Variants in XYLT1 observed in about 807,000 individuals in gnomAD.
The protein encoded by XYLT1 is beta-D-xylosyltransferase 1.
Under a neutral mutation model 91.3 loss-of-function variants are expected in XYLT1, and 36 were observed. That is an observed-to-expected ratio of 0.39 (90% confidence interval 0.30 to 0.52). The LOEUF is 0.52. Ranked by LOEUF, XYLT1 falls within the 20% of genes least tolerant of loss-of-function variation. The probability of loss-of-function intolerance (pLI) is 0.68; values close to 1 mark genes in which losing one functional copy is unlikely to be tolerated. For synonymous variants in XYLT1, 588 were observed against 532.0 expected (o/e 1.11, Z -1.45); for missense variants, 1,242 against 1,284.5 (o/e 0.97, Z 0.51).
intron 2 of XYLT1, among the ~76,000 whole-genome samples, chr16:17,351,040 G>T (rs1442934926): frequency 3.3e-5 from 5 of 152,016 alleles, no homozygotes; most frequent in African/African-American, 1.2e-4. Flanking sequence ...TTTTAACTCT[G>T]CACATTCTTT....
At chr16:17,208,203 C>A (rs1254616192) in intron 3 of XYLT1, among the ~76,000 whole-genome samples, 1 of 118,198 alleles carries the variant, frequency 8.5e-6, no homozygotes, top group Non-Finnish European at 1.7e-5. Context: ...CCAGGCTGGT[C>A]TCAAACTCCT....
intron 2 of XYLT1, among the ~76,000 whole-genome samples, chr16:17,335,131 A>C (rs967928270): frequency 6.6e-6 from 1 of 151,862 alleles, no homozygotes; most frequent in South Asian, 2.1e-4. Flanking sequence ...AGGCTGAGGC[A>C]CAAGACTCAA....
intron 2 of XYLT1, among the ~76,000 whole-genome samples, chr16:17,295,167 C>T (rs539632120): frequency 2.1e-4 from 32 of 152,160 alleles, no homozygotes; most frequent in Admixed American, 1.3e-3. Flanking sequence ...AAAAGCATTT[C>T]GGGGACAGGG....
intron 6 of XYLT1, among the ~76,000 whole-genome samples, chr16:17,149,312 C>G (rs1414040223): frequency 6.6e-6 from 1 of 152,102 alleles, no homozygotes; most frequent in South Asian, 2.1e-4. Flanking sequence ...AATAACTCTG[C>G]TCTTCAAGTT....
At chr16:17,335,006 T>C (rs901294617) in intron 2 of XYLT1, among the ~76,000 whole-genome samples, 3 of 152,024 alleles carry the variant, frequency 2.0e-5, no homozygotes, top group African/African-American at 7.2e-5. Context: ...GGTGGATTGC[T>C]TGAAGCCAGG....
At position 17,119,070 on chromosome 16, in the gene XYLT1, C is replaced by A. The variant is rs9931481; in HGVS notation, c.2224-1091G>T. 1.8e-3 allele frequency among the ~76,000 whole-genome samples: 267 copies of A among 152,204 alleles called. 9 individuals are homozygous for A. The South Asian group carries it at 0.052, about 30-fold the overall frequency. On this transcript the variant is annotated intron_variant, in intron 10 of 11. Coordinates refer to ENST00000261381, the MANE Select transcript of XYLT1 (RefSeq NM_022166.4). Reference sequence around the variant, plus strand: ...GTGATAAGCACTATCTCAGAGTTGTCTGTTGATGTATTTATTCTTTATCTC... The same window carrying A: ...GTGATAAGCACTATCTCAGAGTTGTATGTTGATGTATTTATTCTTTATCTC...
In XYLT1 at chr16:17,153,158, C is replaced by T. The variant is rs568594903; in HGVS notation, c.1370+5671G>A. On this transcript the variant is annotated intron_variant, in intron 6 of 11. Transcript: ENST00000261381. ...TTGTGATCATCATCAACTTAATAGG[C>T]GCAACTAACTGTCCCCAAGGGCTTT... Among the ~76,000 whole-genome samples, 148 of 152,290 alleles carry T rather than the reference C, an allele frequency of 9.7e-4. 2 individuals carry two copies. Among genetic ancestry groups the T allele is most frequent in the African/African-American group, 3.5e-3 (146 of 41,576 alleles).
intron 2 of XYLT1, among the ~76,000 whole-genome samples, chr16:17,327,277 A>G (rs2034819424): frequency 2.0e-5 from 3 of 152,218 alleles, no homozygotes; most frequent in Admixed American, 2.0e-4. Context: ...TTCACAAAGT[A>G]GATAAAACAC....
chr16:17,195,432 T>G (rs369318616), intron 5 of XYLT1, among the ~76,000 whole-genome samples: 8 of 152,178 alleles, frequency 5.3e-5, no homozygotes, highest in South Asian at 2.1e-4. Flanking sequence ...TTCCTTTTTT[T>G]TTGTTGTTTT....
chr16:17,359,863 TC>T (rs2035357729), intron 1 of XYLT1, among the ~76,000 whole-genome samples: 1 of 152,174 alleles, frequency 6.6e-6, no homozygotes, highest in South Asian at 2.1e-4. Flanking sequence ...AGGTTTTGTA[TC>T]ACTCGCATGC....
At chr16:17,469,970 C>A (rs1205657619) in intron 1 of XYLT1, among the ~76,000 whole-genome samples, 1 of 152,102 alleles carries the variant, frequency 6.6e-6, no homozygotes, top group Non-Finnish European at 1.5e-5. Flanking sequence ...CAGGCCAGGA[C>A]GAACAGAGGG....
At chr16:17,132,870 TG>T (rs1317426065) in intron 9 of XYLT1, among the ~76,000 whole-genome samples, 3 of 152,192 alleles carry the variant, frequency 2.0e-5, no homozygotes, top group Non-Finnish European at 4.4e-5. Flanking sequence ...CACTCCAGCT[TG>T]GGCAACAGAG....
intron 6 of XYLT1, among the ~76,000 whole-genome samples, chr16:17,151,455 C>T (rs538125183): frequency 2.6e-5 from 4 of 152,200 alleles, no homozygotes; most frequent in African/African-American, 9.6e-5. Flanking sequence ...TTTGGAGTCA[C>T]TCTGCTTGGC....
At chr16:17,126,917 C>T (rs1036923801) in intron 10 of XYLT1, among the ~76,000 whole-genome samples, 5 of 152,200 alleles carry the variant, frequency 3.3e-5, no homozygotes, top group African/African-American at 1.2e-4. Flanking sequence ...ACAGTTCCAG[C>T]TCTCTTGTGA....
chr16:17,169,092 G>T (rs1008945379), intron 5 of XYLT1, among the ~76,000 whole-genome samples: 5 of 152,234 alleles, frequency 3.3e-5, no homozygotes, highest in African/African-American at 1.2e-4. Context: ...AAACGCCTGG[G>T]ACAGGAGTGG....
At chr16:17,313,005 G>C (rs921120014) in intron 2 of XYLT1, among the ~76,000 whole-genome samples, 1 of 152,222 alleles carries the variant, frequency 6.6e-6, no homozygotes, top group African/African-American at 2.4e-5. Context: ...AGGGAAGCTG[G>C]GAGAGAGGGC....
intron 4 of XYLT1, among the ~76,000 whole-genome samples, chr16:17,199,513 T>C (rs2032492842): frequency 6.6e-6 from 1 of 152,188 alleles, no homozygotes; most frequent in African/African-American, 2.4e-5. Flanking sequence ...ATGGTTTGGT[T>C]GTGTCCCCAC....
chr16:17,231,559 T>C (rs1443064297), intron 3 of XYLT1, among the ~76,000 whole-genome samples: 1 of 152,146 alleles, frequency 6.6e-6, no homozygotes, highest in Non-Finnish European at 1.5e-5. Context: ...GAGGAGTGGA[T>C]TGTTATGAGA....
intron 2 of XYLT1, among the ~76,000 whole-genome samples, chr16:17,354,172 A>G (rs2035260993): frequency 6.6e-6 from 1 of 152,104 alleles, no homozygotes. Context: ...AGGAGCATTC[A>G]TCACTGCAAG....
Sources: gnomAD v4.1 joint callset for allele counts (sites outside exome capture counted in the v4.1 genomes callset) on GRCh38, gnomAD v4.1.1 for gene constraint, MANE v1.5 for transcripts, NCBI Gene and HGNC (gene_info 2026-07-23, HGNC 2026-07-21) for gene names.